The following CAMKK1 variants were observed in gnomAD, a reference collection of about 807,000 sequenced individuals.
The protein encoded by CAMKK1 is calcium/calmodulin dependent protein kinase kinase 1.
CAMKK1 carries 20 observed loss-of-function variants against 63.5 expected under a neutral mutation model. The ratio of observed to expected loss-of-function variants is 0.32; its 90% CI spans 0.22 to 0.46. CAMKK1 has a LOEUF of 0.46. CAMKK1 is among the 20% of genes least tolerant of loss of function. The pLI, the probability that CAMKK1 is intolerant of heterozygous loss-of-function variation, is 1.00. For missense variants in CAMKK1, 588 were observed against 658.1 expected, an observed-to-expected ratio of 0.89 and a Z score of 1.17; for synonymous variants, 253 against 269.0, an observed-to-expected ratio of 0.94 and a Z score of 0.58.
Position 3,883,629 on chromosome 17 carries a change from G to A in CAMKK1, c.463-149C>T, listed in dbSNP as rs1206000643. ...CCCAGGTAAGTGTTAAGCGGGGTTG[G>A]GGGTGGCCATATCTGAGCCTAGCCC... On this transcript the variant is annotated intron_variant, in intron 4 of 15. Coordinates refer to ENST00000348335, the MANE Select transcript of CAMKK1 (RefSeq NM_032294.3). The surrounding 1 kb of genome is among the most constrained non-coding windows in gnomAD (Gnocchi z 4.7). The A allele has an allele frequency of 3.8e-6, 3 of 792,608 alleles. No homozygotes were observed. The highest frequency in any genetic ancestry group is 6.6e-6 in the Non-Finnish European group (3 of 457,696). 49.1% of individuals were successfully genotyped at this position (792,608 alleles called of 1,614,324 possible). A position where few individuals can be genotyped will look rare whatever the true frequency, so the allele number is the denominator to read the frequency against.
intron 12 of CAMKK1, among the ~76,000 whole-genome samples, chr17:3,872,059 G>A (rs7207952): frequency 0.93 from 142,036 of 152,344 alleles, 66,349 homozygotes; most frequent in East Asian, 1. Flanking sequence ...CCTCCCCGAC[G>A]TCCCTGCTAC....
Position 3,872,614 on chromosome 17 carries a change from T to C in CAMKK1, c.1064A>G (p.Asp355Gly). 1 of 1,613,990 alleles carries C rather than the reference T, an allele frequency of 6.2e-7. No individual in the cohort carries two copies. Among genetic ancestry groups the C allele is most frequent in the Non-Finnish European group, 8.5e-7 (1 of 1,179,868 alleles). Reference protein sequence around the residue: ...CFVYGKCPFIDDFILALHRKI... With the variant: ...CFVYGKCPFIGDFILALHRKI... Reference sequence around the variant, plus strand: ...CCTGTGGAGGGCCAGGATGAAATCGTCGATGAATGGGCACTGTGGGGTGGA... The same window carrying C: ...CCTGTGGAGGGCCAGGATGAAATCGCCGATGAATGGGCACTGTGGGGTGGA... Residue 355 changes from aspartate (D) to glycine (G), a missense_variant, in exon 12 of 16, where the codon GAC becomes GGC. Transcript: ENST00000348335.
rs746626071 is a variant in CAMKK1, at chr17:3,885,677, C to T, written c.11G>A (p.Gly4Asp). Residue 4 changes from glycine to aspartate, a missense_variant, in exon 2 of 16, where the codon GGT (glycine) becomes GAT (aspartate). Physicochemically the swap from Gly to Asp is moderately conservative, Grantham distance 94. Around this residue, in one of 3 missense-constraint regions of CAMKK1, gnomAD observed 357 missense variants for 407.4 expected, o/e 0.88. Coordinates refer to ENST00000348335, the MANE Select transcript of CAMKK1 (RefSeq NM_032294.3). Reference sequence around the variant, plus strand: ...AGGATCCTGGCAGCAGACAGCTGGACCCCCCTCCATTGCTTCAGTCAAGGG... The same window carrying T: ...AGGATCCTGGCAGCAGACAGCTGGATCCCCCTCCATTGCTTCAGTCAAGGG... Reference protein sequence around the residue: MEGGPAVCCQDPRA... With the variant: MEGDPAVCCQDPRA... 4.3e-6 allele frequency: 7 copies of T among 1,612,690 alleles called. No homozygotes were observed. Among genetic ancestry groups the T allele is most frequent in the Admixed American group, 1.7e-5 (1 of 59,992 alleles).
At position 3,881,852 on chromosome 17, in the gene CAMKK1, G is replaced by A. The variant is rs542604684; in HGVS notation, c.686-204C>T. ...TGGACCTGTCTCATCTGATCCTCAG[G>A]TGCCAGGTGAGAACCATCAGCATCA... is the stretch of plus-strand genomic sequence containing the variant. On this transcript the variant is annotated intron_variant, in intron 7 of 15. Coordinates refer to ENST00000348335, the MANE Select transcript of CAMKK1 (RefSeq NM_032294.3). 76 of 584,584 alleles carry A rather than the reference G, an allele frequency of 1.3e-4. No homozygotes were observed. In the African/African-American group the frequency reaches 1.3e-3, roughly 10 times the overall value. 36.2% of individuals were successfully genotyped at this position (584,584 alleles called of 1,614,324 possible). A position where few individuals can be genotyped will look rare whatever the true frequency, so the allele number is the denominator to read the frequency against.
rs962660248 is a variant in CAMKK1 at position 3,861,415 on chromosome 17, G to A, written c.*796C>T. 6.6e-6 allele frequency: 1 copy of A among 152,358 alleles called. No individual in the cohort carries two copies. The highest frequency in any genetic ancestry group is 2.1e-4 in the South Asian group (1 of 4,830). 9.4% of individuals were successfully genotyped at this position (152,358 alleles called of 1,614,324 possible). On this transcript the variant is annotated 3_prime_UTR_variant, in exon 16 of 16. Transcript: ENST00000348335. Reference sequence around the variant, plus strand: ...GGGAGAGAGTGAGATGGGCAGGGACGATGTGGTGCTTCCGCTTCAGGCCTC... The same window carrying A: ...GGGAGAGAGTGAGATGGGCAGGGACAATGTGGTGCTTCCGCTTCAGGCCTC...
chr17:3,881,230 C>T (rs538715305), intron 8 of CAMKK1, among the ~76,000 whole-genome samples: 16 of 152,342 alleles, frequency 1.1e-4, no homozygotes, highest in African/African-American at 3.6e-4. Context: ...CAAATGGGAG[C>T]AACTGGAATC....
chr17:3,871,333 G>GGTTTTTTTTTTTGTTTTTTT (rs1567617833), intron 12 of CAMKK1, among the ~76,000 whole-genome samples: 1 of 111,006 alleles, frequency 9.0e-6, no homozygotes, highest in Non-Finnish European at 1.9e-5. Context: ...GTTGTTTTTT[G>GGTTTTTTTTTTTGTTTTTTT]TTTTTTTTTT....
rs543116195 is a variant in CAMKK1, at chr17:3,873,222, T to G, written c.1050+187A>C. On this transcript the variant is annotated intron_variant, in intron 11 of 15. Transcript: ENST00000348335. ...CCTTAGGTGTCTGCTGTCCTGCGAC[T>G]CCTTCGCGAGAATCGCTCCGCAGGG... is the stretch of plus-strand genomic sequence containing the variant. Among the ~76,000 whole-genome samples, 7 of 152,360 alleles carry G rather than the reference T, an allele frequency of 4.6e-5. No individual in the cohort carries two copies. The East Asian group carries it at 1.3e-3, about 29-fold the overall frequency.
At chr17:3,868,219 AGAAG>A (rs2054642490) in intron 14 of CAMKK1, among the ~76,000 whole-genome samples, 2 of 54,894 alleles carry the variant, frequency 3.6e-5, no homozygotes, top group Non-Finnish European at 3.6e-5. Flanking sequence ...GCTCTGGGGG[AGAAG>A]CAGGCGCCGT....
chr17:3,871,532 AT>A (rs1472541809), intron 12 of CAMKK1, among the ~76,000 whole-genome samples: 1 of 140,314 alleles, frequency 7.1e-6, no homozygotes, highest in African/African-American at 2.7e-5. Flanking sequence ...TTTTTTTTCT[AT>A]TTTTAGTAGA....
At position 3,886,846 on chromosome 17, in the gene CAMKK1, G is replaced by A. The variant is rs556980994; in HGVS notation, c.-43-1116C>T. 4.4e-3 allele frequency among the ~76,000 whole-genome samples: 663 copies of A among 152,216 alleles called. 3 individuals carry two copies. Among genetic ancestry groups the A allele is most frequent in the Non-Finnish European group, 5.9e-3 (402 of 68,004 alleles). On this transcript the variant is annotated intron_variant, in intron 1 of 15. Transcript: ENST00000348335. ...AGACCCCCATCTCTGTCCCAGGCTTGTAGAGCGCTGGCCATGCCCAACCTG... is the reference window on the plus strand; with the variant it reads ...AGACCCCCATCTCTGTCCCAGGCTTATAGAGCGCTGGCCATGCCCAACCTG...
rs1374179329 is a variant in CAMKK1, at chr17:3,885,632, C to T, written c.56G>A (p.Arg19Gln). The T allele has an allele frequency of 1.5e-5, 24 of 1,613,818 alleles. No individual in the cohort carries two copies. Among genetic ancestry groups the T allele is most frequent in the East Asian group, 2.2e-5 (1 of 44,904 alleles). Reference protein sequence around the residue: ...CQDPRAELVERVAAIDVTHLE... With the variant: ...CQDPRAELVEQVAAIDVTHLE... ...GTGAGTCACATCGATGGCTGCCACCCGTTCTACCAGCTCTGCCCGAGGATC... is the reference window on the plus strand; with the variant it reads ...GTGAGTCACATCGATGGCTGCCACCTGTTCTACCAGCTCTGCCCGAGGATC... The change falls in exon 2 of 16, where the codon CGG becomes CAG. Residue 19 changes from arginine (R) to glutamine (Q), a missense_variant. Arg to Gln is a conservative substitution (Grantham distance 43). This residue lies in a region of CAMKK1 where 357 missense variants were observed against 407.4 expected (regional missense o/e 0.88). Transcript: ENST00000348335.
chr17:3,869,992 G>A (rs951124249), intron 12 of CAMKK1, 104 bp from the exon 13 acceptor site: 6 of 887,026 alleles, frequency 6.8e-6, no homozygotes, highest in African/African-American at 1.7e-5. Flanking sequence ...GGAAGACTGA[G>A]TTCCGGACAG....
Position 3,888,913 on chromosome 17 carries a change from C to CGTGTGTGT in CAMKK1, c.-43-3191_-43-3184dup, listed in dbSNP as rs55841323. Among the ~76,000 whole-genome samples the CGTGTGTGT allele has an allele frequency of 5.6e-3, 846 of 150,492 alleles. 9 individuals carry two copies. The highest frequency in any genetic ancestry group is 0.019 in the African/African-American group (793 of 41,040). ...CGCAGGCTGTGGACCAGGGTGGTGG[C>CGTGTGTGT]GTGTGTGTGTGTGTGTGTGTGTTGT... On this transcript the variant is annotated intron_variant, in intron 1 of 15. Transcript: ENST00000348335.
chr17:3,886,187 G>A (rs2055644433), intron 1 of CAMKK1, among the ~76,000 whole-genome samples: 1 of 152,224 alleles, frequency 6.6e-6, no homozygotes, highest in African/African-American at 2.4e-5. Context: ...TAGTAACTCA[G>A]AAGCCTTGCT....
Position 3,887,582 on chromosome 17 carries a change from C to T in CAMKK1, c.-43-1852G>A, listed in dbSNP as rs1445201925. ...GCGGCTGTGGCACAAGGAGGCCTCC[C>T]TGGAGGAGGTGAGAGGGGACAGGGA... is the stretch of plus-strand genomic sequence containing the variant. On this transcript the variant is annotated intron_variant, in intron 1 of 15. Coordinates refer to ENST00000348335, the MANE Select transcript of CAMKK1 (RefSeq NM_032294.3). The surrounding 1 kb of genome is among the most constrained non-coding windows in gnomAD (Gnocchi z 6.1). 3.3e-5 allele frequency among the ~76,000 whole-genome samples: 5 copies of T among 151,252 alleles called. No individual in the cohort carries two copies. Among genetic ancestry groups the T allele is most frequent in the African/African-American group, 1.2e-4 (5 of 41,064 alleles).
chr17:3,874,381 T>G (rs932848261), intron 10 of CAMKK1, among the ~76,000 whole-genome samples: 1 of 151,556 alleles, frequency 6.6e-6, no homozygotes, highest in Non-Finnish European at 1.5e-5. Flanking sequence ...ATGTATGTCT[T>G]TTTTTTTTCA....
chr17:3,865,010 G>T, intron 15 of CAMKK1: 1 of 548,388 alleles, frequency 1.8e-6, no homozygotes, highest in Non-Finnish European at 2.3e-6. Flanking sequence ...AGGCCAGGGT[G>T]GGGCAAACAA....
At chr17:3,863,420 T>A (rs540287826) in intron 15 of CAMKK1, among the ~76,000 whole-genome samples, 1 of 152,178 alleles carries the variant, frequency 6.6e-6, no homozygotes, top group Admixed American at 6.5e-5. Context: ...ACTGCTTGAA[T>A]GTGAGAGGCG....
Sources: allele counts gnomAD v4.1 joint callset (sites outside exome capture counted in the v4.1 genomes callset), GRCh38; gene constraint gnomAD v4.1.1; regional missense constraint gnomAD v4.1.1; non-coding constraint Gnocchi (gnomAD v3.1); transcripts MANE v1.5; gene names NCBI Gene and HGNC (gene_info 2026-07-23, HGNC 2026-07-21).